THNSL1: variants seen among roughly 807,000 people sequenced by gnomAD.
THNSL1 encodes threonine synthase-like 1.
A neutral mutation model predicts 50.4 loss-of-function variants in THNSL1; 48 were observed. The ratio of observed to expected loss-of-function variants is 0.95; its 90% CI spans 0.76 to 1.21. The LOEUF is 1.21. Among genes scored for constraint, THNSL1 ranks in the 50% most tolerant of loss-of-function variants. The probability of loss-of-function intolerance (pLI) is 0.00; values close to 1 mark genes in which losing one functional copy is unlikely to be tolerated. For missense variants in THNSL1, 896 were observed against 871.7 expected (o/e 1.03, Z -0.35); for synonymous variants, 309 against 306.1 (o/e 1.01, Z -0.10).
chr10:24,994,920 G>C, the THNSL1 span, among the ~76,000 whole-genome samples: 2 of 152,010 alleles, frequency 1.3e-5, no homozygotes. Context: ...TACTTGGGAG[G>C]CTGAGTGAGG....
chr10:25,001,280 A>G, the THNSL1 span, among the ~76,000 whole-genome samples: 2 of 151,416 alleles, frequency 1.3e-5, no homozygotes, highest in South Asian at 2.1e-4. Context: ...CTTCTTCTAT[A>G]TAATTTTTCT....
At chr10:24,994,599 G>T in the THNSL1 span, among the ~76,000 whole-genome samples, 5,160 of 152,056 alleles carry the variant, frequency 0.034, 216 homozygotes, top group African/African-American at 0.096. Context: ...AAAGTGCTGG[G>T]ATTACAGTTG....
chr10:24,956,916 C>T, the THNSL1 span, among the ~76,000 whole-genome samples: 1 of 152,126 alleles, frequency 6.6e-6, no homozygotes, highest in Non-Finnish European at 1.5e-5. Flanking sequence ...GTGAACCGCA[C>T]ATGGGAGGGA....
the THNSL1 span, among the ~76,000 whole-genome samples, chr10:24,991,163 G>A: frequency 7.2e-5 from 11 of 152,008 alleles, no homozygotes; most frequent in East Asian, 1.7e-3. Context: ...TGTTTCCCAC[G>A]CCTGCTCCTG....
the THNSL1 span, among the ~76,000 whole-genome samples, chr10:24,994,837 A>T: frequency 6.6e-6 from 1 of 151,476 alleles, no homozygotes; most frequent in Non-Finnish European, 1.5e-5. Flanking sequence ...CCTGGCCAAC[A>T]TGGTGAAACC....
the THNSL1 span, among the ~76,000 whole-genome samples, chr10:25,003,503 A>C: frequency 6.6e-6 from 1 of 152,318 alleles, no homozygotes; most frequent in South Asian, 2.1e-4. Flanking sequence ...CACTGCGCCA[A>C]GCCTGTGTTT....
the THNSL1 span, among the ~76,000 whole-genome samples, chr10:24,976,336 AAC>A: frequency 6.6e-6 from 1 of 152,112 alleles, no homozygotes; most frequent in Non-Finnish European, 1.5e-5. Context: ...GAAAGAGAAA[AAC>A]ACAAAACATA....
At chr10:24,962,001 C>G in the THNSL1 span, among the ~76,000 whole-genome samples, 2 of 152,134 alleles carry the variant, frequency 1.3e-5, no homozygotes, top group African/African-American at 4.8e-5. Context: ...TGCTGAGTAC[C>G]TAAGGAGTGC....
chr10:24,968,472 A>T, the THNSL1 span, among the ~76,000 whole-genome samples: 1 of 152,198 alleles, frequency 6.6e-6, no homozygotes, highest in South Asian at 2.1e-4. Flanking sequence ...AGGAGCTAAC[A>T]TCCTCCTTGG....
chr10:25,017,892 C>T (rs1850639659), intron 1 of THNSL1, among the ~76,000 whole-genome samples: 2 of 152,168 alleles, frequency 1.3e-5, no homozygotes, highest in Admixed American at 1.3e-4. Context: ...ACCAAGGACT[C>T]ATGGAATGAT....
chr10:25,016,377 A>G (rs1016569318), upstream of THNSL1, among the ~76,000 whole-genome samples: 2 of 152,198 alleles, frequency 1.3e-5, no homozygotes, highest in African/African-American at 4.8e-5. Flanking sequence ...AAAAAGAAAA[A>G]TCCTAGTAGA....
chr10:24,998,636 T>C, the THNSL1 span, among the ~76,000 whole-genome samples: 8 of 152,148 alleles, frequency 5.3e-5, no homozygotes, highest in African/African-American at 1.9e-4. Flanking sequence ...TGGGAAGACA[T>C]ACTTGGGCTA....
the THNSL1 span, chr10:24,984,616 T>C: frequency 4.6e-6 from 5 of 1,079,254 alleles, no homozygotes; most frequent in Admixed American, 1.5e-4. Context: ...AGCATTCTGA[T>C]TAAGACTATT....
chr10:24,998,593 G>T, the THNSL1 span, among the ~76,000 whole-genome samples: 3 of 151,644 alleles, frequency 2.0e-5, no homozygotes, highest in African/African-American at 4.8e-5. Context: ...TTGTTGCCCA[G>T]GTGCTCTCTT....
the THNSL1 span, among the ~76,000 whole-genome samples, chr10:24,993,462 T>C: frequency 1.3e-5 from 2 of 152,242 alleles, no homozygotes; most frequent in Admixed American, 6.5e-5. Context: ...CTGGTATTGC[T>C]AAATACCTCA....
At chr10:24,983,759 G>A in the THNSL1 span, 4 of 152,100 alleles carry the variant, frequency 2.6e-5, no homozygotes, top group Non-Finnish European at 5.9e-5. Context: ...ACCAGTGTAA[G>A]CAGTAGAAAT....
Position 25,023,980 on chromosome 10 carries a change from G to A in THNSL1, c.757G>A (p.Glu253Lys). The change falls in exon 3 of 3, where the codon GAA (glutamate) becomes AAA (lysine). Residue 253 changes from glutamate to lysine, a missense_variant. Transcript: ENST00000376356. ...EQKVSAKFFS[E>K]AVIEGLASDG... ...GAAGGTTTCAGCAAAATTCTTTAGT[G>A]AAGCTGTAATTGAGGGGTTGGCTTC... 1 of 1,614,230 alleles carries A rather than the reference G, an allele frequency of 6.2e-7. No homozygotes were observed. Among genetic ancestry groups the A allele is most frequent in the Non-Finnish European group, 8.5e-7 (1 of 1,180,020 alleles).
At chr10:24,975,043 C>A in the THNSL1 span, among the ~76,000 whole-genome samples, 1 of 152,066 alleles carries the variant, frequency 6.6e-6, no homozygotes, top group South Asian at 2.1e-4. Flanking sequence ...TGAAAAAAAG[C>A]CAGGGAATTT....
At chr10:25,016,719 C>T (rs1243277222) in intron 1 of THNSL1, 27 bp downstream of exon 1, 1 of 152,360 alleles carries the variant, frequency 6.6e-6, no homozygotes, top group Non-Finnish European at 1.5e-5. Context: ...CCTGTGGAGG[C>T]TTTAGCGGCT....
Sources: allele counts gnomAD v4.1 joint callset (sites outside exome capture counted in the v4.1 genomes callset), GRCh38; gene constraint gnomAD v4.1.1; transcripts MANE v1.5; gene names NCBI Gene and HGNC (gene_info 2026-07-23, HGNC 2026-07-21).